ECH1: variants seen among roughly 807,000 people sequenced by gnomAD.
ECH1 encodes delta(3,5)-Delta(2,4)-dienoyl-CoA isomerase, mitochondrial.
ECH1 carries 30 observed loss-of-function variants against 37.0 expected under a neutral mutation model. That is an observed-to-expected ratio of 0.81 (90% CI 0.61 to 1.10). The LOEUF (loss-of-function observed/expected upper bound fraction) is 1.10. ECH1 is among the 50% of genes least tolerant of loss of function. The probability of loss-of-function intolerance (pLI) is 0.00; values close to 1 mark genes in which losing one functional copy is unlikely to be tolerated. For synonymous variants in ECH1, 178 were observed against 176.0 expected (o/e 1.01, Z -0.09); for missense variants, 456 against 441.6 (o/e 1.03, Z -0.29).
intron 3 of ECH1, among the ~76,000 whole-genome samples, chr19:38,825,454 G>A (rs1191496101): frequency 2.0e-5 from 3 of 152,180 alleles, no homozygotes; most frequent in Non-Finnish European, 4.4e-5. Flanking sequence ...ATCACTCAAG[G>A]GTCAATTGAT....
At chr19:38,827,831 T>C (rs1971760857) in intron 3 of ECH1, among the ~76,000 whole-genome samples, 1 of 152,216 alleles carries the variant, frequency 6.6e-6, no homozygotes. Context: ...ACCCAGCTAA[T>C]TTTTGTTAGA....
intron 3 of ECH1, chr19:38,817,822 T>C (rs1971602525): frequency 1.3e-5 from 12 of 934,884 alleles, no homozygotes; most frequent in Non-Finnish European, 1.4e-5. Context: ...CCTATTACTA[T>C]TTGTGTTACC....
At chr19:38,822,436 C>A (rs1971677199) in intron 3 of ECH1, among the ~76,000 whole-genome samples, 1 of 151,762 alleles carries the variant, frequency 6.6e-6, no homozygotes, top group African/African-American at 2.4e-5. Flanking sequence ...AATCAGCACC[C>A]TATGTCTAGC....
chr19:38,816,431 C>CCCCCACA (rs1568356043), intron 7 of ECH1, 22 bp downstream of exon 7: 1 of 1,613,996 alleles, frequency 6.2e-7, no homozygotes, highest in South Asian at 1.1e-5. Context: ...CCTGCCCACA[C>CCCCCACA]CCCCACACCC....
chr19:38,830,944 G>C (rs1220794495), intron 3 of ECH1, 134 bp downstream of exon 3: 1 of 750,598 alleles, frequency 1.3e-6, no homozygotes, highest in African/African-American at 1.9e-5. Context: ...AACAGAGCAA[G>C]ACCCCGTCTC....
chr19:38,827,041 G>A (rs888539485), intron 3 of ECH1, among the ~76,000 whole-genome samples: 2 of 146,868 alleles, frequency 1.4e-5, no homozygotes, highest in East Asian at 2.0e-4. Flanking sequence ...ACAGGGAGGA[G>A]AGGGAGAAGG....
chr19:38,831,760 T>C lies in ECH1; in HGVS notation c.13A>G (p.Ile5Val). The C allele has an allele frequency of 2.5e-6, 4 of 1,612,382 alleles. No homozygotes were observed. The highest frequency in any genetic ancestry group is 1.3e-5 in the African/African-American group (1 of 74,960). MAAG[I>V]VASRRLRDLL... ...TCGCGGAGTCTGCGAGAAGCCACTATCCCCGCCGCCATCGCCGCCGCCTTC... is the reference window on the plus strand; with the variant it reads ...TCGCGGAGTCTGCGAGAAGCCACTACCCCCGCCGCCATCGCCGCCGCCTTC... Residue 5 changes from isoleucine to valine, a missense_variant, in exon 1 of 10, where the codon ATA becomes GTA. Transcript: ENST00000221418.
chr19:38,827,523 T>C (rs559047554), intron 3 of ECH1, among the ~76,000 whole-genome samples: 98 of 152,050 alleles, frequency 6.4e-4, no homozygotes, highest in Non-Finnish European at 1.1e-3. Flanking sequence ...AAATTGTGCT[T>C]GAAGAGCCAC....
At chr19:38,824,591 T>C (rs1033114591) in intron 3 of ECH1, among the ~76,000 whole-genome samples, 4 of 152,052 alleles carry the variant, frequency 2.6e-5, no homozygotes, top group African/African-American at 7.2e-5. Flanking sequence ...TGGGGAAAAA[T>C]GGCCACCTGA....
intron 3 of ECH1, among the ~76,000 whole-genome samples, chr19:38,824,179 A>C (rs926245321): frequency 6.6e-6 from 1 of 152,282 alleles, no homozygotes; most frequent in Middle Eastern, 3.4e-3. Flanking sequence ...GGGGCATAAC[A>C]TCTTTATAGG....
At chr19:38,828,785 T>C (rs1000489116) in intron 3 of ECH1, among the ~76,000 whole-genome samples, 24 of 151,236 alleles carry the variant, frequency 1.6e-4, no homozygotes, top group Non-Finnish European at 3.4e-4. Context: ...CTGGCTAATA[T>C]TCTTTTTTTT....
At position 38,829,285 on chromosome 19, in the gene ECH1, C is replaced by CAAA. The variant is rs35813067; in HGVS notation, c.349+1790_349+1792dup. On this transcript the variant is annotated intron_variant, in intron 3 of 9. Coordinates refer to ENST00000221418, the MANE Select transcript of ECH1 (RefSeq NM_001398.3). ...GGTCAACAGAGTGAGACTCCTTCTC[C>CAAA]AAAAAAAAAAAAAAAAAAAAAAAAA... 2.3e-4 allele frequency among the ~76,000 whole-genome samples: 15 copies of CAAA among 64,246 alleles called. 1 individual carries two copies. The South Asian group carries it at 5.6e-3, about 24-fold the overall frequency. The allele number at this position is 64,246 out of a possible 152,430, so 42.1% of individuals were successfully genotyped here. A position where few individuals can be genotyped will look rare whatever the true frequency, so the allele number is the denominator to read the frequency against.
At chr19:38,817,429 C>A (rs200070320) in intron 4 of ECH1, 22 bp downstream of exon 4, 1 of 1,612,258 alleles carries the variant, frequency 6.2e-7, no homozygotes, top group Non-Finnish European at 8.5e-7. Flanking sequence ...GAGAAAGATC[C>A]CCTCCAGACC....
chr19:38,818,539 A>T (rs889092798), intron 3 of ECH1: 24 of 305,682 alleles, frequency 7.9e-5, no homozygotes, highest in Non-Finnish European at 1.9e-5. Flanking sequence ...CCCAGGCTGG[A>T]GTGCAGTGGC....
chr19:38,831,363 T>TGCAGAACATGTTTCTGC lies in ECH1; in HGVS notation c.189_205dup (p.His69ArgfsTer19), dbSNP rs780194195. On this transcript the variant is annotated frameshift_variant, in exon 2 of 10. Transcript: ENST00000221418. LOFTEE classifies it high-confidence loss of function. ...CTTGTTGGGCCGGTTGAGCTGGACA[T>TGCAGAACATGTTTCTGC]GCAGAACATGTTTCTGCGCAGACGT... 28 of 1,613,984 alleles carry TGCAGAACATGTTTCTGC rather than the reference T, an allele frequency of 1.7e-5. No homozygotes were observed. In the South Asian group the frequency reaches 3.1e-4, roughly 18 times the overall value.
intron 6 of ECH1, 90 bp from the exon 7 acceptor site, chr19:38,816,613 G>C: frequency 6.9e-7 from 1 of 1,453,636 alleles, no homozygotes; most frequent in Non-Finnish European, 9.5e-7. Context: ...GTCTACTGGA[G>C]AGTCCCGCCC....
rs138712163 is a variant in ECH1, at chr19:38,830,298, A to G, written c.349+780T>C. On this transcript the variant is annotated intron_variant, in intron 3 of 9. Transcript: ENST00000221418. ...CCAACTGACCTGTAACTGGAAATCA[A>G]TTAGTGAGTTGAATAGTTGCACGAA... 6.4e-4 allele frequency among the ~76,000 whole-genome samples: 97 copies of G among 152,328 alleles called. 1 individual carries two copies. Among genetic ancestry groups the G allele is most frequent in the African/African-American group, 2.3e-3 (97 of 41,568 alleles).
At chr19:38,826,292 T>C (rs1432475395) in intron 3 of ECH1, among the ~76,000 whole-genome samples, 3 of 152,206 alleles carry the variant, frequency 2.0e-5, no homozygotes, top group Non-Finnish European at 2.9e-5. Flanking sequence ...GTCTGGGCAT[T>C]GGAAGGACAA....
Position 38,831,061 on chromosome 19 carries a change from T to G in ECH1, c.349+17A>C. 6.2e-7 allele frequency: 1 copy of G among 1,612,550 alleles called. No individual in the cohort carries two copies. Among genetic ancestry groups the G allele is most frequent in the Non-Finnish European group, 8.5e-7 (1 of 1,178,664 alleles). On this transcript the variant is annotated intron_variant, in intron 3 of 9. Transcript: ENST00000221418. ...GAGCTAGGAAGGCTGGCAGGGTGTGTGAAGAGCGTCTGGTACCTGCAGTGA... is the reference window on the plus strand; with the variant it reads ...GAGCTAGGAAGGCTGGCAGGGTGTGGGAAGAGCGTCTGGTACCTGCAGTGA...
Sources: allele counts gnomAD v4.1 joint callset (sites outside exome capture counted in the v4.1 genomes callset), GRCh38; gene constraint gnomAD v4.1.1; transcripts MANE v1.5; gene names NCBI Gene and HGNC (gene_info 2026-07-23, HGNC 2026-07-21).